Variants in NIN observed in about 807,000 individuals in gnomAD.
NIN encodes the protein ninein.
A neutral mutation model predicts 257.6 loss-of-function variants in NIN; 137 were observed. The observed-to-expected ratio is 0.53, with a 90% CI of 0.46 to 0.61. The LOEUF (loss-of-function observed/expected upper bound fraction) is 0.61. Ranked by LOEUF, NIN falls within the 20% of genes least tolerant of loss-of-function variation. The pLI is 0.00. For synonymous variants in NIN, 918 were observed against 919.8 expected (o/e 1.00, Z 0.04); for missense variants, 2,439 against 2,501.2 (o/e 0.98, Z 0.53).
chr14:50,799,044 G>C (rs1485435412), intron 4 of NIN, among the ~76,000 whole-genome samples: 1 of 152,176 alleles, frequency 6.6e-6, no homozygotes, highest in Admixed American at 6.5e-5. Context: ...CCAAAGTGCT[G>C]GGATATGGCT....
At chr14:50,741,949 G>C in intron 24 of NIN, 3 of 465,018 alleles carry the variant, frequency 6.5e-6, no homozygotes, top group East Asian at 3.2e-5. Context: ...TCTGGAGCAA[G>C]GTATTGCTGA....
Position 50,757,495 on chromosome 14 carries a change from C to T in NIN, c.3535G>A (p.Gly1179Ser), listed in dbSNP as rs1338531765. The change falls in exon 18 of 31, where the codon GGT becomes AGT. Residue 1179 changes from glycine (G) to serine (S), a missense_variant. Physicochemically the swap from Gly to Ser is moderately conservative, Grantham distance 56. Coordinates refer to ENST00000530997, the MANE Select transcript of NIN (RefSeq NM_020921.4). ...TCACTGTTTTCAAGCTCAGAAAAACCCTCTACTGAAGCTTCAGACTCCTCT... is the reference window on the plus strand; with the variant it reads ...TCACTGTTTTCAAGCTCAGAAAAACTCTCTACTGAAGCTTCAGACTCCTCT... ...KIEESEASVE[G>S]FSELENSEET... is the part of the protein sequence containing the mutation. 2.5e-6 allele frequency: 4 copies of T among 1,614,006 alleles called. No homozygotes were observed. The South Asian group carries it at 3.3e-5, about 13-fold the overall frequency.
At chr14:50,746,236 AG>A (rs911853616) in intron 22 of NIN, among the ~76,000 whole-genome samples, 2 of 152,216 alleles carry the variant, frequency 1.3e-5, no homozygotes, top group African/African-American at 4.8e-5. Flanking sequence ...CAAGGAAAAA[AG>A]GATGCTCAAG....
Position 50,754,569 on chromosome 14 carries a change from C to T in NIN, c.4728G>A (p.Lys1576=). 6.2e-7 allele frequency: 1 copy of T among 1,604,100 alleles called. No individual in the cohort carries two copies. Among genetic ancestry groups the T allele is most frequent in the Non-Finnish European group, 8.5e-7 (1 of 1,176,538 alleles). The change falls in exon 20 of 31, where the codon AAG becomes AAA. Residue 1576 remains lysine, a synonymous_variant. Coordinates refer to ENST00000530997, the MANE Select transcript of NIN (RefSeq NM_020921.4). ...AAVQKMVENL[K]KQISELKIKN... is the part of the protein sequence containing the mutation. ...ATATTAAGTATTTCCTTACCTGTTTCTTTAAATTTTCAACCATCTTCTGAA... is the reference window on the plus strand; with the variant it reads ...ATATTAAGTATTTCCTTACCTGTTTTTTTAAATTTTCAACCATCTTCTGAA...
chr14:50,785,998 T>G, intron 5 of NIN, among the ~76,000 whole-genome samples: 1 of 152,184 alleles, frequency 6.6e-6, no homozygotes, highest in South Asian at 2.1e-4. Flanking sequence ...GTGCTACAAG[T>G]GCATGCGGGG....
At chr14:50,779,757 C>T (rs1384324870) in intron 5 of NIN, among the ~76,000 whole-genome samples, 1 of 95,760 alleles carries the variant, frequency 1.0e-5, no homozygotes, top group African/African-American at 3.7e-5. Flanking sequence ...GACTCCGTCT[C>T]AAAAAAAAAA....
chr14:50,729,135 A>G (rs2040560320), intron 29 of NIN, among the ~76,000 whole-genome samples: 1 of 152,222 alleles, frequency 6.6e-6, no homozygotes, highest in East Asian at 1.9e-4. Context: ...CAAATCGTCT[A>G]TTACAGAACA....
At chr14:50,816,344 A>T (rs187355644) in intron 3 of NIN, among the ~76,000 whole-genome samples, 1 of 152,186 alleles carries the variant, frequency 6.6e-6, no homozygotes, top group Non-Finnish European at 1.5e-5. Flanking sequence ...CATCCTGCAC[A>T]TGTACCCCAG....
intron 29 of NIN, 161 bp from the exon 30 acceptor site, chr14:50,726,227 T>G: frequency 1.7e-6 from 1 of 587,518 alleles, no homozygotes; most frequent in Non-Finnish European, 3.0e-6. Context: ...CTGCATGGAT[T>G]GCATATGTCA....
chr14:50,824,485 G>A (rs547647393), intron 2 of NIN, among the ~76,000 whole-genome samples: 3 of 152,172 alleles, frequency 2.0e-5, no homozygotes, highest in African/African-American at 4.8e-5. Flanking sequence ...GAGATGTTAC[G>A]CATGGTGACA....
In NIN at chr14:50,722,534, T is replaced by C. The variant is rs1055459105; in HGVS notation, c.*929A>G. On this transcript the variant is annotated 3_prime_UTR_variant, in exon 31 of 31. Coordinates refer to ENST00000530997, the MANE Select transcript of NIN (RefSeq NM_020921.4). Reference sequence around the variant, plus strand: ...ATTCTTAGAGAGGCCCTACAGTAGTTCAGGAAGACAGTTTACAGTATTGTT... The same window carrying C: ...ATTCTTAGAGAGGCCCTACAGTAGTCCAGGAAGACAGTTTACAGTATTGTT... The C allele has an allele frequency of 1.4e-5, 3 of 208,886 alleles. No homozygotes were observed. Among genetic ancestry groups the C allele is most frequent in the Non-Finnish European group, 2.9e-5 (3 of 102,484 alleles). 12.9% of individuals were successfully genotyped at this position (208,886 alleles called of 1,614,324 possible).
chr14:50,766,742 A>G (rs1278842181), intron 13 of NIN, 38 bp downstream of exon 13: 1 of 1,383,146 alleles, frequency 7.2e-7, no homozygotes, highest in East Asian at 2.3e-5. Flanking sequence ...TACATAAAGT[A>G]GGCTGCCTAT....
intron 27 of NIN, among the ~76,000 whole-genome samples, chr14:50,736,081 T>C (rs1179873708): frequency 6.6e-6 from 1 of 152,196 alleles, no homozygotes; most frequent in Admixed American, 6.5e-5. Context: ...AGGCTTAAAA[T>C]TGAGAGTACA....
In NIN at chr14:50,821,882, A is replaced by G. The variant is rs1273186470; in HGVS notation, c.175T>C (p.Leu59=). The change falls in exon 3 of 31, where the codon TTG becomes CTG. Residue 59 remains leucine, a synonymous_variant. Transcript: ENST00000530997. ...TCTTCCCCAGACCTTACCCTGCCCA[A>G]GAGGTTGTCCTGAAGTAATGTCTGC... is the stretch of plus-strand genomic sequence containing the variant. ...LQQTLLQDNL[L]GRVHFDQFKE... 1 of 1,613,652 alleles carries G rather than the reference A, an allele frequency of 6.2e-7. No homozygotes were observed. Among genetic ancestry groups the G allele is most frequent in the Admixed American group, 1.7e-5 (1 of 59,982 alleles).
chr14:50,747,449 G>C (rs998414073), intron 22 of NIN, among the ~76,000 whole-genome samples: 1 of 152,170 alleles, frequency 6.6e-6, no homozygotes, highest in Admixed American at 6.5e-5. Context: ...GAATTTTAGA[G>C]TGGGCCGGAT....
chr14:50,740,145 CT>C, intron 25 of NIN, among the ~76,000 whole-genome samples: 1 of 151,194 alleles, frequency 6.6e-6, no homozygotes, highest in Admixed American at 6.6e-5. Context: ...AAGGTACAAT[CT>C]CATTTTCAGA....
rs2040396152 is a variant in NIN at position 50,726,028 on chromosome 14, T to G, written c.6117A>C (p.Arg2039=). Residue 2039 remains arginine (R), a synonymous_variant, in exon 30 of 31, where the codon CGA becomes CGC. Coordinates refer to ENST00000530997, the MANE Select transcript of NIN (RefSeq NM_020921.4). ...QEQLVTVMEE[R]MIEVEQKLKL... ...TCAGTTTCTGTTCAACTTCTATCAT[T>G]CGTTCCTCCATGACAGTTACCAGTT... The G allele has an allele frequency of 6.2e-7, 1 of 1,613,978 alleles. No individual in the cohort carries two copies. Among genetic ancestry groups the G allele is most frequent in the African/African-American group, 1.3e-5 (1 of 74,934 alleles).
Position 50,735,513 on chromosome 14 carries a change from T to C in NIN, c.5877+3A>G, listed in dbSNP as rs201363795. ...AGCTAAGGCCATCTGCTGAGAAACT[T>C]ACCTCCATGAGCTGCTCATCCAGTT... is the stretch of plus-strand genomic sequence containing the variant. On this transcript the variant is annotated splice_donor_region_variant and intron_variant, in intron 28 of 30. Transcript: ENST00000530997. 8.4e-4 allele frequency: 1,349 copies of C among 1,612,662 alleles called. 2 individuals are homozygous for C. Among genetic ancestry groups the C allele is most frequent in the Non-Finnish European group, 1.0e-3 (1,181 of 1,179,852 alleles).
intron 4 of NIN, among the ~76,000 whole-genome samples, chr14:50,802,217 A>T (rs991461822): frequency 6.6e-6 from 1 of 152,234 alleles, no homozygotes; most frequent in East Asian, 1.9e-4. Flanking sequence ...GAATTTACAA[A>T]AGACTTCCTA....
Sources: allele counts gnomAD v4.1 joint callset (sites outside exome capture counted in the v4.1 genomes callset), GRCh38; gene constraint gnomAD v4.1.1; transcripts MANE v1.5; gene names NCBI Gene and HGNC (gene_info 2026-07-23, HGNC 2026-07-21).